CSNK2A2IP: variants seen among roughly 807,000 people sequenced by gnomAD.
CSNK2A2IP encodes casein kinase 2 subunit alpha' interacting protein.
At chr3:88,389,794 G>A in the CSNK2A2IP span, among the ~76,000 whole-genome samples, 16 of 151,806 alleles carry the variant, frequency 1.1e-4, no homozygotes, top group African/African-American at 3.9e-4. Context: ...GGAGTGCATG[G>A]TGGTGGAAGT....
chr3:88,353,001 A>C, the CSNK2A2IP span, among the ~76,000 whole-genome samples: 1,404 of 152,290 alleles, frequency 9.2e-3, 12 homozygotes, highest in Non-Finnish European at 0.015. Context: ...AATTCCCCTC[A>C]AGCTTCTCTT....
chr3:88,419,413 A>G, the CSNK2A2IP span, among the ~76,000 whole-genome samples: 1 of 152,158 alleles, frequency 6.6e-6, no homozygotes, highest in Non-Finnish European at 1.5e-5. Context: ...AGCTCCATTC[A>G]TGCTGCTGCA....
the CSNK2A2IP span, among the ~76,000 whole-genome samples, chr3:88,380,896 A>G: frequency 1.3e-5 from 2 of 152,212 alleles, no homozygotes; most frequent in Admixed American, 6.5e-5. Context: ...CAAAACTAAT[A>G]TCTTCCAGCT....
At chr3:88,395,664 G>T in the CSNK2A2IP span, among the ~76,000 whole-genome samples, 1 of 152,150 alleles carries the variant, frequency 6.6e-6, no homozygotes, top group African/African-American at 2.4e-5. Context: ...AATTGTAATT[G>T]GGATTGAACT....
the CSNK2A2IP span, among the ~76,000 whole-genome samples, chr3:88,378,893 T>A: frequency 6.6e-6 from 1 of 152,082 alleles, no homozygotes; most frequent in Non-Finnish European, 1.5e-5. Context: ...ATTGTGTTAG[T>A]ATTAGTGGTT....
the CSNK2A2IP span, among the ~76,000 whole-genome samples, chr3:88,422,579 A>C: frequency 6.6e-6 from 1 of 152,358 alleles, no homozygotes; most frequent in East Asian, 1.9e-4. Context: ...GTTTACTACA[A>C]AAATGACATT....
At chr3:88,355,379 GCCCAGAGTCTGCACTATAAAATA>G in the CSNK2A2IP span, among the ~76,000 whole-genome samples, 1 of 152,026 alleles carries the variant, frequency 6.6e-6, no homozygotes, top group Non-Finnish European at 1.5e-5. Context: ...TGGAGCTCCT[GCCCAGAGTCTGCACTATAAAATA>G]ATCTCCTCTG....
At chr3:88,366,247 A>G in the CSNK2A2IP span, among the ~76,000 whole-genome samples, 6 of 152,256 alleles carry the variant, frequency 3.9e-5, no homozygotes, top group South Asian at 2.1e-4. Flanking sequence ...CATGATTAAA[A>G]TGCTTCAGAG....
At chr3:88,378,796 A>C in the CSNK2A2IP span, among the ~76,000 whole-genome samples, 31 of 152,162 alleles carry the variant, frequency 2.0e-4, no homozygotes, top group Non-Finnish European at 3.5e-4. Context: ...TGCATCTTGC[A>C]CATTTATCTT....
the CSNK2A2IP span, among the ~76,000 whole-genome samples, chr3:88,416,150 A>T: frequency 6.6e-6 from 1 of 151,652 alleles, no homozygotes; most frequent in East Asian, 1.9e-4. Context: ...ACGCGCCTGT[A>T]GTCCTAGCTA....
the CSNK2A2IP span, among the ~76,000 whole-genome samples, chr3:88,454,204 G>A: frequency 6.6e-6 from 1 of 151,850 alleles, no homozygotes; most frequent in Non-Finnish European, 1.5e-5. Flanking sequence ...ATATTTTCAT[G>A]TACTTACATC....
chr3:88,379,587 C>G, the CSNK2A2IP span, among the ~76,000 whole-genome samples: 1 of 151,898 alleles, frequency 6.6e-6, no homozygotes, highest in Admixed American at 6.6e-5. Context: ...TCAACTCCAC[C>G]CTCTAGGTTT....
chr3:88,456,348 T>A, the CSNK2A2IP span, among the ~76,000 whole-genome samples: 438 of 152,220 alleles, frequency 2.9e-3, 2 homozygotes, highest in African/African-American at 9.8e-3. Context: ...TTCCACTTAT[T>A]TGAGTTTTCA....
At chr3:88,466,067 A>G in the CSNK2A2IP span, 2,135 of 1,231,648 alleles carry the variant, frequency 1.7e-3, 22 homozygotes, top group African/African-American at 0.029. Flanking sequence ...TTGCAGCGCA[A>G]TCAAAGATCT....
chr3:88,342,306 C>T, the CSNK2A2IP span, among the ~76,000 whole-genome samples: 4 of 152,078 alleles, frequency 2.6e-5, no homozygotes, highest in South Asian at 4.1e-4. Context: ...TATAGCAAGT[C>T]GGGGTGTAAA....
chr3:88,380,229 G>T, the CSNK2A2IP span, among the ~76,000 whole-genome samples: 1 of 151,904 alleles, frequency 6.6e-6, no homozygotes, highest in African/African-American at 2.4e-5. Flanking sequence ...TTTTTACTTA[G>T]AAAAGGTAAA....
the CSNK2A2IP span, among the ~76,000 whole-genome samples, chr3:88,463,813 A>G: frequency 6.6e-6 from 1 of 152,150 alleles, no homozygotes; most frequent in Non-Finnish European, 1.5e-5. Context: ...TATATACCCA[A>G]AGGATTATAA....
chr3:88,364,296 A>G, the CSNK2A2IP span, among the ~76,000 whole-genome samples: 30 of 151,790 alleles, frequency 2.0e-4, no homozygotes, highest in Non-Finnish European at 3.7e-4. Context: ...TGGAGGGCGT[A>G]TTGCTTCAGG....
chr3:88,422,270 T>C, the CSNK2A2IP span, among the ~76,000 whole-genome samples: 542 of 152,272 alleles, frequency 3.6e-3, 2 homozygotes, highest in African/African-American at 0.012. Context: ...TTGATTTGGG[T>C]TTAAATATTA....
Sources: allele counts gnomAD v4.1 joint callset (sites outside exome capture counted in the v4.1 genomes callset), GRCh38; gene constraint gnomAD v4.1.1; transcripts MANE v1.5; gene names NCBI Gene and HGNC (gene_info 2026-07-23, HGNC 2026-07-21).